GRID2: variants seen among roughly 807,000 people sequenced by gnomAD.
The protein encoded by GRID2 is glutamate ionotropic receptor delta type subunit 2.
Under a neutral mutation model 114.8 loss-of-function variants are expected in GRID2, and 33 were observed. The ratio of observed to expected loss-of-function variants is 0.29; its 90% CI spans 0.22 to 0.38. GRID2 has a LOEUF of 0.38. Ranked by LOEUF, GRID2 falls within the 10% of genes least tolerant of loss-of-function variation. The pLI is 1.00. For synonymous variants in GRID2, 505 were observed against 449.9 expected, an observed-to-expected ratio of 1.12 and a Z score of -1.55; for missense variants, 1,184 against 1,257.7, an observed-to-expected ratio of 0.94 and a Z score of 0.89.
chr4:92,482,684 G>A (rs1443504541), intron 1 of GRID2, among the ~76,000 whole-genome samples: 1 of 151,910 alleles, frequency 6.6e-6, no homozygotes, highest in East Asian at 1.9e-4. Flanking sequence ...CATATCACAG[G>A]GCAGATTGTT....
chr4:93,228,308 GA>G (rs1745732993), intron 7 of GRID2, among the ~76,000 whole-genome samples: 1 of 152,074 alleles, frequency 6.6e-6, no homozygotes, highest in South Asian at 2.1e-4. Flanking sequence ...GCATGAGACA[GA>G]GACAAAAAGG....
chr4:93,800,591 G>C lies in GRID2; in HGVS notation c.222-6124G>C, dbSNP rs1324551494. Among the ~76,000 whole-genome samples the C allele has an allele frequency of 2.6e-5, 4 of 152,210 alleles. No homozygotes were observed. In the South Asian group the frequency reaches 8.3e-4, roughly 32 times the overall value. ...AATGTCCCAGATAGCATTTTAATGG[G>C]TATCATGAATCCTTAACTTTCACTG... On this transcript the variant is annotated intron_variant, in intron 1 of 1. Coordinates refer to the GRID2 transcript ENST00000637838.
intron 2 of GRID2, among the ~76,000 whole-genome samples, chr4:92,768,148 CA>C (rs747712418): frequency 6.6e-6 from 1 of 152,068 alleles, no homozygotes; most frequent in Admixed American, 6.6e-5. Context: ...TTTTTAACCA[CA>C]AAACCCTTTC....
chr4:93,212,070 A>T (rs1454554857), intron 5 of GRID2, among the ~76,000 whole-genome samples: 1 of 152,028 alleles, frequency 6.6e-6, no homozygotes, highest in Admixed American at 6.6e-5. Flanking sequence ...AAAAAAAAAC[A>T]TGGATTTCTC....
chr4:92,727,359 C>A (rs1736117183), intron 2 of GRID2, among the ~76,000 whole-genome samples: 1 of 151,620 alleles, frequency 6.6e-6, no homozygotes, highest in Admixed American at 6.6e-5. Flanking sequence ...CAAATCAAAC[C>A]AAAAGAATTC....
At chr4:92,778,583 A>G (rs2149357064) in intron 2 of GRID2, among the ~76,000 whole-genome samples, 1 of 152,240 alleles carries the variant, frequency 6.6e-6, no homozygotes, top group South Asian at 2.1e-4. Context: ...ATCTTAATAT[A>G]CTAAACGGTA....
intron 2 of GRID2, among the ~76,000 whole-genome samples, chr4:93,051,205 G>A (rs1294125401): frequency 6.6e-6 from 1 of 151,996 alleles, no homozygotes; most frequent in African/African-American, 2.4e-5. Flanking sequence ...ATAAGGAATC[G>A]TTCAATTCTG....
chr4:93,524,553 A>T, intron 13 of GRID2, among the ~76,000 whole-genome samples: 1 of 151,994 alleles, frequency 6.6e-6, no homozygotes, highest in Middle Eastern at 3.4e-3. Flanking sequence ...AACAATCCTC[A>T]TGGATATTTG....
intron 2 of GRID2, among the ~76,000 whole-genome samples, chr4:92,858,581 G>A (rs552845111): frequency 3.7e-4 from 57 of 152,058 alleles, no homozygotes; most frequent in African/African-American, 9.4e-4. Context: ...CTTTTGAGAC[G>A]GAGTCTCACA....
Position 92,342,048 on chromosome 4 carries a change from A to G in GRID2, c.88+37304A>G, listed in dbSNP as rs539344954. 1.3e-3 allele frequency among the ~76,000 whole-genome samples: 192 copies of G among 152,268 alleles called. 2 individuals carry two copies. Among genetic ancestry groups the G allele is most frequent in the African/African-American group, 4.4e-3 (183 of 41,552 alleles). ...TTTATTCATTAATTAAAAAATATTTATTATTGTACTACTGCGCTGGGCACT... is the reference window on the plus strand; with the variant it reads ...TTTATTCATTAATTAAAAAATATTTGTTATTGTACTACTGCGCTGGGCACT... On this transcript the variant is annotated intron_variant, in intron 1 of 15. Coordinates refer to ENST00000282020, the MANE Select transcript of GRID2 (RefSeq NM_001510.4).
chr4:93,104,305 T>C (rs1731988937), intron 3 of GRID2, among the ~76,000 whole-genome samples: 1 of 152,154 alleles, frequency 6.6e-6, no homozygotes. Flanking sequence ...TAATAGTATT[T>C]TTTATTTTAT....
Position 93,517,040 on chromosome 4 carries a change from G to A in GRID2, c.2193+1629G>A, listed in dbSNP as rs533366043. 2.4e-4 allele frequency among the ~76,000 whole-genome samples: 36 copies of A among 152,094 alleles called. No homozygotes were observed. The East Asian group carries it at 6.4e-3, about 27-fold the overall frequency. On this transcript the variant is annotated intron_variant, in intron 13 of 15. Coordinates refer to ENST00000282020, the MANE Select transcript of GRID2 (RefSeq NM_001510.4). ...TCCAGCTCATTTTTTTAAATAAAATGTATAAACATAACTAGCTACTCAAAA... is the reference window on the plus strand; with the variant it reads ...TCCAGCTCATTTTTTTAAATAAAATATATAAACATAACTAGCTACTCAAAA...
chr4:92,586,470 A>G (rs1039639928), intron 1 of GRID2, among the ~76,000 whole-genome samples: 6 of 151,936 alleles, frequency 3.9e-5, no homozygotes, highest in Non-Finnish European at 5.9e-5. Flanking sequence ...AAAAATTGGC[A>G]AGTAAGTATA....
intron 13 of GRID2, among the ~76,000 whole-genome samples, chr4:93,593,184 A>G (rs187870537): frequency 0.16 from 22,297 of 140,572 alleles, 2,247 homozygotes; most frequent in Middle Eastern, 0.28. Context: ...ATTTTGCAGC[A>G]GCTGGTACCG....
intron 2 of GRID2, among the ~76,000 whole-genome samples, chr4:92,787,438 AAAG>A (rs1395763189): frequency 6.6e-6 from 1 of 151,674 alleles, no homozygotes; most frequent in Non-Finnish European, 1.5e-5. Context: ...ATTTTAGAAA[AAAG>A]AGGAGGTAGG....
intron 1 of GRID2, among the ~76,000 whole-genome samples, chr4:92,564,981 G>C (rs1727269353): frequency 6.6e-6 from 1 of 151,870 alleles, no homozygotes; most frequent in Non-Finnish European, 1.5e-5. Context: ...GATCACCATT[G>C]TTATTGGCTT....
intron 14 of GRID2, among the ~76,000 whole-genome samples, chr4:93,660,152 A>T (rs1723358966): frequency 6.6e-6 from 1 of 152,196 alleles, no homozygotes; most frequent in African/African-American, 2.4e-5. Context: ...CCGCATGTGA[A>T]AAGTGGCGGG....
chr4:92,486,158 A>G (rs1722878265), intron 1 of GRID2, among the ~76,000 whole-genome samples: 1 of 151,182 alleles, frequency 6.6e-6, no homozygotes, highest in South Asian at 2.1e-4. Context: ...TAAAAATATA[A>G]ATAAAATAAA....
intron 2 of GRID2, among the ~76,000 whole-genome samples, chr4:92,918,440 G>A (rs1320403627): frequency 1.3e-5 from 2 of 152,150 alleles, no homozygotes; most frequent in Non-Finnish European, 2.9e-5. Context: ...AGTTTTCAAA[G>A]GGAATGCTTC....
Sources: allele counts gnomAD v4.1 joint callset (sites outside exome capture counted in the v4.1 genomes callset), GRCh38; gene constraint gnomAD v4.1.1; transcripts MANE v1.5; gene names NCBI Gene and HGNC (gene_info 2026-07-23, HGNC 2026-07-21).